SLC12A1: variants seen among roughly 807,000 people sequenced by gnomAD.
The protein encoded by SLC12A1 is Na-K-2Cl cotransporter.
A neutral mutation model predicts 130.4 loss-of-function variants in SLC12A1; 89 were observed. The ratio of observed to expected loss-of-function variants is 0.68; its 90% CI spans 0.58 to 0.81. The LOEUF (loss-of-function observed/expected upper bound fraction) is 0.81. Among genes scored for constraint, SLC12A1 ranks in the 40% least tolerant of loss-of-function variants. The probability of loss-of-function intolerance (pLI) is 0.00; values close to 1 mark genes in which losing one functional copy is unlikely to be tolerated. For missense variants in SLC12A1, 1,310 were observed against 1,336.4 expected, an observed-to-expected ratio of 0.98 and a Z score of 0.31; for synonymous variants, 499 against 460.0, an observed-to-expected ratio of 1.08 and a Z score of -1.09.
intron 17 of SLC12A1, among the ~76,000 whole-genome samples, chr15:48,263,423 T>A (rs1469910891): frequency 6.6e-6 from 1 of 152,158 alleles, no homozygotes; most frequent in African/African-American, 2.4e-5. Context: ...AAGAATTTTT[T>A]AAAAAGATTG....
chr15:48,240,020 TATATATATCC>T (rs2041486474), intron 9 of SLC12A1, among the ~76,000 whole-genome samples: 2 of 69,772 alleles, frequency 2.9e-5, no homozygotes, highest in African/African-American at 1.1e-4. Flanking sequence ...CATATATATA[TATATATATCC>T]ATATATATAT....
At chr15:48,287,426 G>A (rs914376152) in intron 21 of SLC12A1, among the ~76,000 whole-genome samples, 3 of 150,954 alleles carry the variant, frequency 2.0e-5, no homozygotes, top group African/African-American at 4.9e-5. Context: ...CTTTAGCTTC[G>A]CAAGATTCCT....
intron 2 of SLC12A1, among the ~76,000 whole-genome samples, chr15:48,211,126 C>G (rs1164175422): frequency 6.6e-6 from 1 of 152,088 alleles, no homozygotes; most frequent in East Asian, 1.9e-4. Flanking sequence ...AGACTTGATG[C>G]TCAGTTATCT....
Position 48,234,857 on chromosome 15 carries a change from T to C in SLC12A1, c.1088-20T>C. On this transcript the variant is annotated intron_variant, in intron 8 of 26. Transcript: ENST00000380993. ...GTGAAAAATGTCTACATCATAATTT[T>C]CTTATAATTTATGTTGCAGCATCAA... 1.2e-6 allele frequency: 2 copies of C among 1,612,770 alleles called. No individual in the cohort carries two copies. The highest frequency in any genetic ancestry group is 1.7e-6 in the Non-Finnish European group (2 of 1,178,830).
chr15:48,213,783 A>G (rs2041085205), intron 2 of SLC12A1, among the ~76,000 whole-genome samples: 1 of 152,062 alleles, frequency 6.6e-6, no homozygotes, highest in South Asian at 2.1e-4. Context: ...TCAACCTCCC[A>G]AAGTGCTGGG....
chr15:48,227,008 T>G, intron 5 of SLC12A1: 1 of 946,338 alleles, frequency 1.1e-6, no homozygotes, highest in South Asian at 1.5e-5. Context: ...AGATTCAGAC[T>G]GCTGCCTCCT....
intron 5 of SLC12A1, chr15:48,227,466 A>T (rs1234740921): frequency 5.3e-6 from 2 of 375,046 alleles, no homozygotes; most frequent in Admixed American, 3.9e-5. Flanking sequence ...TGTACCTTGG[A>T]TGAGACCCAC....
intron 21 of SLC12A1, among the ~76,000 whole-genome samples, chr15:48,287,510 C>G (rs2042072385): frequency 6.6e-6 from 1 of 152,112 alleles, no homozygotes; most frequent in Non-Finnish European, 1.5e-5. Flanking sequence ...TGCACACAGT[C>G]CCTGGCAAAT....
At chr15:48,210,693 TAAAAAAAA>T (rs34235092) in intron 2 of SLC12A1, among the ~76,000 whole-genome samples, 3 of 122,640 alleles carry the variant, frequency 2.4e-5, no homozygotes, top group Non-Finnish European at 5.1e-5. Context: ...CTTCTCTACT[TAAAAAAAA>T]AAAAAAAAAA....
chr15:48,287,225 C>T (rs1566856821), intron 21 of SLC12A1, among the ~76,000 whole-genome samples: 1 of 152,202 alleles, frequency 6.6e-6, no homozygotes, highest in Non-Finnish European at 1.5e-5. Context: ...CCAGTTCCAA[C>T]ACTGGCCGAG....
At chr15:48,249,702 T>G in intron 14 of SLC12A1, 26 bp downstream of exon 14, 3 of 1,476,934 alleles carry the variant, frequency 2.0e-6, no homozygotes, top group Non-Finnish European at 9.5e-7. Context: ...AACTAAAATA[T>G]GCCTAAGCAA....
At chr15:48,276,713 T>C (rs2041957667) in intron 20 of SLC12A1, among the ~76,000 whole-genome samples, 1 of 152,108 alleles carries the variant, frequency 6.6e-6, no homozygotes, top group South Asian at 2.1e-4. Context: ...ACAGGAGACA[T>C]CATGGCTAAT....
intron 7 of SLC12A1, 66 bp from the exon 8 acceptor site, chr15:48,232,661 T>A (rs1171920033): frequency 5.8e-6 from 6 of 1,041,272 alleles, no homozygotes; most frequent in South Asian, 3.8e-5. Flanking sequence ...CACTTCTAAC[T>A]TTTATAATTA....
At chr15:48,276,088 A>G (rs942829424) in intron 20 of SLC12A1, among the ~76,000 whole-genome samples, 5 of 152,132 alleles carry the variant, frequency 3.3e-5, no homozygotes, top group African/African-American at 1.2e-4. Flanking sequence ...AGCGTTTGGG[A>G]GTTGATTGAA....
intron 25 of SLC12A1, among the ~76,000 whole-genome samples, chr15:48,299,756 G>T (rs546753610): frequency 1.3e-5 from 2 of 152,216 alleles, no homozygotes; most frequent in Non-Finnish European, 2.9e-5. Flanking sequence ...AGCACACATT[G>T]TAAGATGGAT....
chr15:48,228,815 T>A (rs564488986), intron 5 of SLC12A1: 1 of 162,216 alleles, frequency 6.2e-6, no homozygotes, highest in East Asian at 1.8e-4. Flanking sequence ...CTACCTAGAC[T>A]TTCCTACTCC....
rs757717046 is a variant in SLC12A1 at position 48,234,879 on chromosome 15, T to C, written c.1090T>C (p.Ser364Pro). The C allele has an allele frequency of 2.5e-6, 4 of 1,613,860 alleles. No individual in the cohort carries two copies. The highest frequency in any genetic ancestry group is 3.4e-6 in the Non-Finnish European group (4 of 1,179,740). The change falls in exon 9 of 27, where the codon TCA (serine) becomes CCA (proline). Residue 364 changes from serine to proline, a missense_variant and splice_region_variant. Ser to Pro is a moderately conservative substitution (Grantham distance 74, BLOSUM62 -1). Transcript: ENST00000380993. ...TTTTCTTATAATTTATGTTGCAGCA[T>C]CAATATTTGCAGAAAACTTTGGGCC... Reference protein sequence around the residue: ...KSRGFFNYQASIFAENFGPRF... With the variant: ...KSRGFFNYQAPIFAENFGPRF...
intron 4 of SLC12A1, chr15:48,224,304 T>C (rs1427357354): frequency 6.6e-6 from 1 of 152,116 alleles, no homozygotes. Flanking sequence ...CTTCTACCCA[T>C]CTTAGGTTCA....
intron 4 of SLC12A1, 35 bp from the exon 5 acceptor site, chr15:48,226,440 TA>T (rs2141026814): frequency 7.6e-7 from 1 of 1,314,566 alleles, no homozygotes; most frequent in Non-Finnish European, 1.1e-6. Context: ...GGAAGAAAAG[TA>T]AAATGCAATA....
Sources: allele counts gnomAD v4.1 joint callset (sites outside exome capture counted in the v4.1 genomes callset), GRCh38; gene constraint gnomAD v4.1.1; transcripts MANE v1.5; gene names NCBI Gene and HGNC (gene_info 2026-07-23, HGNC 2026-07-21).